The following LANCL3 variants were observed in gnomAD, a reference collection of about 807,000 sequenced individuals.
The protein encoded by LANCL3 is lanC-like protein 3.
In LANCL3, 19 loss-of-function variants were observed where a neutral mutation model predicts 26.5. The observed-to-expected ratio is 0.72, with a 90% CI of 0.50 to 1.05. The LOEUF is 1.05. Ranked by LOEUF, LANCL3 falls within the 50% of genes least tolerant of loss-of-function variation. The pLI is 0.00. For missense variants in LANCL3, 318 were observed against 362.7 expected (o/e 0.88, Z 1.00); for synonymous variants, 160 against 166.6 (o/e 0.96, Z 0.30).
chrX:37,638,796 A>C (rs1263850534), intron 1 of LANCL3, among the ~76,000 whole-genome samples: 1 of 110,409 alleles, frequency 9.1e-6, no homozygotes, highest in Non-Finnish European at 1.9e-5. Context: ...TTCACCCCAC[A>C]CACACACACC....
chrX:37,604,602 G>A (rs1276479305), intron 1 of LANCL3, among the ~76,000 whole-genome samples: 1 of 112,113 alleles, frequency 8.9e-6, no homozygotes, highest in African/African-American at 3.2e-5. Context: ...GCTAACACTG[G>A]CTGGCCTGGC....
rs1343607382 is a variant in LANCL3, at chrX:37,658,580, C to T, written c.698-882C>T. Among the ~76,000 whole-genome samples the T allele has an allele frequency of 3.7e-4, 42 of 112,139 alleles. No homozygotes were observed. In the Admixed American group the frequency reaches 4.0e-3, roughly 11 times the overall value. Reference sequence around the variant, plus strand: ...ATCCAGAAACACCCTCACAGACACACCCAGAAGTGACGTTTAACCAAATAT... The same window carrying T: ...ATCCAGAAACACCCTCACAGACACATCCAGAAGTGACGTTTAACCAAATAT... On this transcript the variant is annotated intron_variant, in intron 2 of 4. Transcript: ENST00000378619.
chrX:37,625,661 CG>C (rs1925293623), intron 1 of LANCL3, among the ~76,000 whole-genome samples: 1 of 111,107 alleles, frequency 9.0e-6, no homozygotes, highest in African/African-American at 3.3e-5. Flanking sequence ...CCATGTTACA[CG>C]GTTCTGGCTA....
At chrX:37,663,214 G>A (rs1926463950) in intron 3 of LANCL3, among the ~76,000 whole-genome samples, 1 of 112,557 alleles carries the variant, frequency 8.9e-6, no homozygotes, top group Admixed American at 9.4e-5. Context: ...CTGCTCTTGA[G>A]TAGTTTGCAC....
intron 3 of LANCL3, among the ~76,000 whole-genome samples, chrX:37,666,890 C>T (rs1279362305): frequency 8.9e-6 from 1 of 112,318 alleles, no homozygotes; most frequent in Non-Finnish European, 1.9e-5. Flanking sequence ...TTTCAAATAA[C>T]CAAATATACA....
At chrX:37,612,398 GGA>G (rs1328467669) in intron 1 of LANCL3, among the ~76,000 whole-genome samples, 1 of 111,444 alleles carries the variant, frequency 9.0e-6, no homozygotes, top group Non-Finnish European at 1.9e-5. Context: ...TGAGAGCCCA[GGA>G]GAGAGATCAG....
chrX:37,640,444 C>T (rs782204202), intron 1 of LANCL3, among the ~76,000 whole-genome samples: 5 of 111,500 alleles, frequency 4.5e-5, no homozygotes, highest in Non-Finnish European at 7.5e-5. Flanking sequence ...AAGGCCCTTC[C>T]CCCGACATGT....
At chrX:37,587,500 C>T (rs1390498220) in intron 1 of LANCL3, among the ~76,000 whole-genome samples, 2 of 112,733 alleles carry the variant, frequency 1.8e-5, no homozygotes, top group Non-Finnish European at 3.8e-5. Context: ...CAATGGCGGG[C>T]GCCCCTCCCC....
At chrX:37,664,285 G>A (rs1236835039) in intron 3 of LANCL3, among the ~76,000 whole-genome samples, 1 of 111,492 alleles carries the variant, frequency 9.0e-6, no homozygotes, top group East Asian at 2.8e-4. Context: ...GGGCCCTCCT[G>A]TGTGCTTCCA....
chrX:37,577,529 A>G (rs1309533986), intron 1 of LANCL3, among the ~76,000 whole-genome samples: 2 of 112,517 alleles, frequency 1.8e-5, no homozygotes, highest in African/African-American at 6.5e-5. Context: ...AGTGGTTTGT[A>G]GTTTACATTT....
chrX:37,677,269 T>C lies in LANCL3; in HGVS notation c.*1456T>C, dbSNP rs1926838325. ...ATAGACTTTGGAACGAGTTAGGGAA[T>C]GCTCTGTTGCCTAAAAAGCAAACCT... On this transcript the variant is annotated 3_prime_UTR_variant, in exon 5 of 5. Transcript: ENST00000378619. 1 of 109,891 alleles carries C rather than the reference T, an allele frequency of 9.1e-6. No individual in the cohort carries two copies. The highest frequency in any genetic ancestry group is 3.9e-4 in the South Asian group (1 of 2,545). The allele number at this position is 109,891 out of a possible 1,213,427, so 9.1% of individuals were successfully genotyped here.
At chrX:37,647,597 A>C (rs375540194) in intron 1 of LANCL3, among the ~76,000 whole-genome samples, 1 of 112,105 alleles carries the variant, frequency 8.9e-6, no homozygotes, top group South Asian at 3.7e-4. Context: ...ACTCTGTTAC[A>C]TATATGTTTG....
At chrX:37,617,354 A>G (rs1385747071) in intron 1 of LANCL3, among the ~76,000 whole-genome samples, 1 of 111,490 alleles carries the variant, frequency 9.0e-6, no homozygotes, top group Non-Finnish European at 1.9e-5. Context: ...TTATTTAAGG[A>G]TGCCAGGGTT....
chrX:37,595,497 T>A (rs1221331676), intron 1 of LANCL3, among the ~76,000 whole-genome samples: 4 of 112,168 alleles, frequency 3.6e-5, no homozygotes, highest in Non-Finnish European at 7.5e-5. Context: ...TCACATACAA[T>A]CTGCCTTTTG....
At chrX:37,647,885 T>A (rs1852174116) in intron 1 of LANCL3, among the ~76,000 whole-genome samples, 1 of 112,713 alleles carries the variant, frequency 8.9e-6, no homozygotes, top group Non-Finnish European at 1.9e-5. Flanking sequence ...TTTGGGGTGG[T>A]TTACAACAAA....
chrX:37,590,584 C>T (rs1291399748), intron 1 of LANCL3, among the ~76,000 whole-genome samples: 1 of 112,098 alleles, frequency 8.9e-6, no homozygotes, highest in African/African-American at 3.2e-5. Flanking sequence ...TCACATAATG[C>T]TTTTGATGTT....
At chrX:37,576,704 A>G (rs1923758092) in intron 1 of LANCL3, among the ~76,000 whole-genome samples, 1 of 111,474 alleles carries the variant, frequency 9.0e-6, no homozygotes, top group African/African-American at 3.3e-5. Flanking sequence ...AAATAACATC[A>G]GTCTTTTTAG....
At chrX:37,614,661 A>G (rs113189339) in intron 1 of LANCL3, among the ~76,000 whole-genome samples, 4,542 of 112,121 alleles carry the variant, frequency 0.041, 217 homozygotes, top group African/African-American at 0.14. Flanking sequence ...ATGAATTACA[A>G]TTTAGATCAA....
intron 1 of LANCL3, among the ~76,000 whole-genome samples, chrX:37,619,639 T>G (rs781855977): frequency 6.2e-5 from 7 of 112,056 alleles, no homozygotes; most frequent in Non-Finnish European, 1.3e-4. Flanking sequence ...ATTTTGAAAC[T>G]TGCTAATGAA....
Sources: gnomAD v4.1 joint callset for allele counts (sites outside exome capture counted in the v4.1 genomes callset) on GRCh38, gnomAD v4.1.1 for gene constraint, MANE v1.5 for transcripts, NCBI Gene and HGNC (gene_info 2026-07-23, HGNC 2026-07-21) for gene names.